Variants in KLHDC7A observed in about 807,000 individuals in gnomAD.
The protein encoded by KLHDC7A is kelch domain containing 7A, also known as kelch domain-containing protein 7A.
For missense variants in KLHDC7A, 1,123 were observed against 1,052.6 expected, an observed-to-expected ratio of 1.07 and a Z score of -0.93; for synonymous variants, 464 against 461.0, an observed-to-expected ratio of 1.01 and a Z score of -0.08.
rs1045234658 is a variant in KLHDC7A at position 18,484,896 on chromosome 1, C to T, written c.*1581C>T. 1 of 166,970 alleles carries T rather than the reference C, an allele frequency of 6.0e-6. No individual in the cohort carries two copies. Among genetic ancestry groups the T allele is most frequent in the Non-Finnish European group, 1.5e-5 (1 of 68,212 alleles). The allele number at this position is 166,970 out of a possible 1,614,324, so 10.3% of individuals were successfully genotyped here. A position where few individuals can be genotyped will look rare whatever the true frequency, so the allele number is the denominator to read the frequency against. On this transcript the variant is annotated 3_prime_UTR_variant, in exon 1 of 1. Coordinates refer to ENST00000400664, the MANE Select transcript of KLHDC7A (RefSeq NM_152375.3). ...CCACAGGGTGACATTGGCCACACCCCCACCCCACTTCCCTGGCCTGGGCCT... is the reference window on the plus strand; with the variant it reads ...CCACAGGGTGACATTGGCCACACCCTCACCCCACTTCCCTGGCCTGGGCCT...
rs774142687 is a variant in KLHDC7A at position 18,481,438 on chromosome 1, C to A, written c.457C>A (p.Pro153Thr). 2 of 1,613,836 alleles carry A rather than the reference C, an allele frequency of 1.2e-6. No individual in the cohort carries two copies. The highest frequency in any genetic ancestry group is 1.1e-5 in the South Asian group (1 of 91,068). Residue 153 changes from proline to threonine, a missense_variant, in exon 1 of 1, where the codon CCT becomes ACT. Physicochemically the swap from Pro to Thr is conservative, Grantham distance 38. Transcript: ENST00000400664. ...AACCAGAACAGCTGTTGGCAGTAAC[C>A]CTGACCCTCCCCATTTCCCCCGCTT... ...QETRTAVGSN[P>T]DPPHFPRLGS...
Position 18,482,542 on chromosome 1 carries a change from C to T in KLHDC7A, c.1561C>T (p.Leu521=). The T allele has an allele frequency of 6.2e-7, 1 of 1,612,142 alleles. No homozygotes were observed. Among genetic ancestry groups the T allele is most frequent in the South Asian group, 1.1e-5 (1 of 91,080 alleles). Residue 521 remains leucine, a synonymous_variant, in exon 1 of 1, where the codon CTG becomes TTG. Coordinates refer to ENST00000400664, the MANE Select transcript of KLHDC7A (RefSeq NM_152375.3). ...YDDEQDVWRP[L]ARMPPEAVSR... Reference sequence around the variant, plus strand: ...CGATGAGCAGGATGTCTGGCGCCCGCTGGCTCGCATGCCCCCCGAGGCCGT... The same window carrying T: ...CGATGAGCAGGATGTCTGGCGCCCGTTGGCTCGCATGCCCCCCGAGGCCGT...
Position 18,482,053 on chromosome 1 carries a change from C to G in KLHDC7A, c.1072C>G (p.Arg358Gly), listed in dbSNP as rs1427952752. The change falls in exon 1 of 1, where the codon CGA becomes GGA. Residue 358 changes from arginine (R) to glycine (G), a missense_variant. By Grantham distance (125) the Arg-to-Gly change is moderately radical. Transcript: ENST00000400664. ...GCAGACAGGGCCGTGGCCCTCCACC[C>G]GAGGCTTCAGCCGGAAGGAGAGCCT... ...SPQTGPWPST[R>G]GFSRKESLLQ... 5.0e-6 allele frequency: 8 copies of G among 1,612,550 alleles called. No individual in the cohort carries two copies. The African/African-American group carries it at 9.3e-5, about 19-fold the overall frequency.
At position 18,485,769 on chromosome 1, in the gene KLHDC7A, CT is replaced by C. The variant is rs1362643493; in HGVS notation, c.*2457del. The C allele has an allele frequency of 1.2e-5, 2 of 166,630 alleles. No individual in the cohort carries two copies. The highest frequency in any genetic ancestry group is 2.9e-5 in the Non-Finnish European group (2 of 68,084). 10.3% of individuals were successfully genotyped at this position (166,630 alleles called of 1,614,324 possible). ...TAAGATGACACTTTAAAAATAAATT[CT>C]TTCCTAATGATGGCTTGAGTCCTGC... On this transcript the variant is annotated 3_prime_UTR_variant, in exon 1 of 1. Transcript: ENST00000400664.
rs1223448445 is a variant in KLHDC7A at position 18,481,494 on chromosome 1, A to G, written c.513A>G (p.Gly171=). Residue 171 remains glycine, a synonymous_variant, in exon 1 of 1, where the codon GGA becomes GGG. Coordinates refer to ENST00000400664, the MANE Select transcript of KLHDC7A (RefSeq NM_152375.3). ...LGSEPKSSPA[G]LIAAADGSCA... The stretch of plus-strand genomic sequence containing the variant: ...GCGAACCGAAGAGCTCCCCAGCTGG[A>G]CTCATTGCAGCAGCCGACGGCAGCT... 1.2e-6 allele frequency: 2 copies of G among 1,613,452 alleles called. No homozygotes were observed.
Position 18,482,410 on chromosome 1 carries a change from G to C in KLHDC7A, c.1429G>C (p.Gly477Arg), listed in dbSNP as rs754056169. The C allele has an allele frequency of 1.7e-5, 27 of 1,607,522 alleles. No homozygotes were observed. Among genetic ancestry groups the C allele is most frequent in the Admixed American group, 1.0e-4 (6 of 60,010 alleles). Residue 477 changes from glycine (G) to arginine (R), a missense_variant, in exon 1 of 1, where the codon GGG (glycine) becomes CGG (arginine). Gly to Arg is a moderately radical substitution (Grantham distance 125, BLOSUM62 -2). Coordinates refer to ENST00000400664, the MANE Select transcript of KLHDC7A (RefSeq NM_152375.3). ...RSPDIYGCLS[G>R]AERELILQRR... ...CCCGGACATCTACGGGTGCCTGAGC[G>C]GGGCAGAGCGCGAGCTGATCCTGCA...
In KLHDC7A at chr1:18,482,791, C is replaced by G. The variant is rs1452252152; in HGVS notation, c.1810C>G (p.Arg604Gly). 6.2e-7 allele frequency: 1 copy of G among 1,608,422 alleles called. No homozygotes were observed. Among genetic ancestry groups the G allele is most frequent in the South Asian group, 1.1e-5 (1 of 90,682 alleles). The part of the protein sequence containing the change: ...IGGECLNSVE[R>G]YDPRLDRWDF... ...CGGAGAGTGTCTGAACTCGGTGGAG[C>G]GTTACGACCCCCGCCTGGACCGCTG... The change falls in exon 1 of 1, where the codon CGT becomes GGT. Residue 604 changes from arginine to glycine, a missense_variant. Physicochemically the swap from Arg to Gly is moderately radical, Grantham distance 125. Transcript: ENST00000400664.
chr1:18,482,537 G>T lies in KLHDC7A; in HGVS notation c.1556G>T (p.Arg519Leu), dbSNP rs1420068203. 7.4e-6 allele frequency: 12 copies of T among 1,612,062 alleles called. No homozygotes were observed. Among genetic ancestry groups the T allele is most frequent in the Non-Finnish European group, 1.0e-5 (12 of 1,179,932 alleles). The stretch of plus-strand genomic sequence containing the variant: ...TATGACGATGAGCAGGATGTCTGGC[G>T]CCCGCTGGCTCGCATGCCCCCCGAG... ...CCYDDEQDVW[R>L]PLARMPPEAV... Residue 519 changes from arginine (R) to leucine (L), a missense_variant, in exon 1 of 1, where the codon CGC becomes CTC. Coordinates refer to ENST00000400664, the MANE Select transcript of KLHDC7A (RefSeq NM_152375.3).
Position 18,482,049 on chromosome 1 carries a change from C to A in KLHDC7A, c.1068C>A (p.Ser356=). 1.9e-6 allele frequency: 3 copies of A among 1,612,732 alleles called. No homozygotes were observed. Among genetic ancestry groups the A allele is most frequent in the Non-Finnish European group, 2.5e-6 (3 of 1,179,870 alleles). Residue 356 remains serine, a synonymous_variant, in exon 1 of 1, where the codon TCC becomes TCA. Transcript: ENST00000400664. The stretch of plus-strand genomic sequence containing the variant: ...CCCCGCAGACAGGGCCGTGGCCCTC[C>A]ACCCGAGGCTTCAGCCGGAAGGAGA... ...AASPQTGPWP[S]TRGFSRKESL...
rs377585599 is a variant in KLHDC7A, at chr1:18,481,699, G to C, written c.718G>C (p.Glu240Gln). 1.9e-5 allele frequency: 31 copies of C among 1,613,956 alleles called. No individual in the cohort carries two copies. In the Middle Eastern group the frequency reaches 8.2e-4, roughly 43 times the overall value. Residue 240 changes from glutamate (E) to glutamine (Q), a missense_variant, in exon 1 of 1, where the codon GAG becomes CAG. Physicochemically the swap from Glu to Gln is conservative, Grantham distance 29 (BLOSUM62 2). Coordinates refer to ENST00000400664, the MANE Select transcript of KLHDC7A (RefSeq NM_152375.3). ...GVSREEAGAL[E>Q]AASDVDLTLH... is the part of the protein sequence containing the mutation. ...CAGCAGAGAAGAGGCTGGGGCTCTC[G>C]AGGCTGCCTCCGATGTTGACCTGAC...
chr1:18,481,393 C>T lies in KLHDC7A; in HGVS notation c.412C>T (p.Pro138Ser), dbSNP rs756338488. The T allele has an allele frequency of 1.9e-6, 3 of 1,613,072 alleles. No individual in the cohort carries two copies. Among genetic ancestry groups the T allele is most frequent in the Non-Finnish European group, 2.5e-6 (3 of 1,179,650 alleles). ...GGGCTCGGACTCTGAGCAGGTGCCT[C>T]CTTGCTGCCCCAGCCAGGAAACCAG... ...GQGSDSEQVP[P>S]CCPSQETRTA... The change falls in exon 1 of 1, where the codon CCT (proline) becomes TCT (serine). Residue 138 changes from proline (P) to serine (S), a missense_variant. Coordinates refer to ENST00000400664, the MANE Select transcript of KLHDC7A (RefSeq NM_152375.3).
In KLHDC7A at chr1:18,482,346, C is replaced by T. The variant is rs561659003; in HGVS notation, c.1365C>T (p.Tyr455=). 3 of 1,602,538 alleles carry T rather than the reference C, an allele frequency of 1.9e-6. No individual in the cohort carries two copies. The highest frequency in any genetic ancestry group is 2.5e-6 in the Non-Finnish European group (3 of 1,179,946). Residue 455 remains tyrosine, a synonymous_variant, in exon 1 of 1, where the codon TAC becomes TAT. Transcript: ENST00000400664. Reference sequence around the variant, plus strand: ...TGGAGGCCCTGAAAGAGGCGGCCTACAAGGTGATGAGCGAAAACTACCTGC... The same window carrying T: ...TGGAGGCCCTGAAAGAGGCGGCCTATAAGGTGATGAGCGAAAACTACCTGC... ...QNLEALKEAA[Y]KVMSENYLQV... is the part of the protein sequence containing the mutation.
Position 18,482,571 on chromosome 1 carries a change from C to T in KLHDC7A, c.1590C>T (p.Ser530=). 1 of 1,611,814 alleles carries T rather than the reference C, an allele frequency of 6.2e-7. No individual in the cohort carries two copies. Among genetic ancestry groups the T allele is most frequent in the Non-Finnish European group, 8.5e-7 (1 of 1,179,908 alleles). The part of the protein sequence containing the change: ...PLARMPPEAV[S]RGCAICSLFN... ...CTCGCATGCCCCCCGAGGCCGTGTC[C>T]CGGGGCTGTGCCATCTGCAGTCTCT... is the stretch of plus-strand genomic sequence containing the variant. Residue 530 remains serine, a synonymous_variant, in exon 1 of 1, where the codon TCC becomes TCT. Coordinates refer to ENST00000400664, the MANE Select transcript of KLHDC7A (RefSeq NM_152375.3).
Position 18,482,073 on chromosome 1 carries a change from G to C in KLHDC7A, c.1092G>C (p.Glu364Asp), listed in dbSNP as rs927726106. The C allele has an allele frequency of 8.1e-6, 13 of 1,612,696 alleles. No individual in the cohort carries two copies. Among genetic ancestry groups the C allele is most frequent in the Admixed American group, 1.7e-5 (1 of 59,976 alleles). ...WPSTRGFSRK[E>D]SLLQIAENPE... ...CCACCCGAGGCTTCAGCCGGAAGGA[G>C]AGCCTTCTGCAGATAGCGGAGAACC... is the stretch of plus-strand genomic sequence containing the variant. Residue 364 changes from glutamate to aspartate, a missense_variant, in exon 1 of 1, where the codon GAG becomes GAC. Transcript: ENST00000400664.
chr1:18,481,934 C>A lies in KLHDC7A; in HGVS notation c.953C>A (p.Ser318Tyr). Residue 318 changes from serine (S) to tyrosine (Y), a missense_variant, in exon 1 of 1, where the codon TCC (serine) becomes TAC (tyrosine). Coordinates refer to ENST00000400664, the MANE Select transcript of KLHDC7A (RefSeq NM_152375.3). ...ACAGCAGCCCTGACTGAGGTTCCAT[C>A]CCCTAGGCCACCGCCAGGGTCCCTG... ...PRTAALTEVP[S>Y]PRPPPGSLGT... 6.2e-7 allele frequency: 1 copy of A among 1,613,328 alleles called. No individual in the cohort carries two copies. The highest frequency in any genetic ancestry group is 8.5e-7 in the Non-Finnish European group (1 of 1,179,974).
Position 18,482,219 on chromosome 1 carries a change from C to T in KLHDC7A, c.1238C>T (p.Thr413Ile), listed in dbSNP as rs374899458. The T allele has an allele frequency of 6.2e-7, 1 of 1,608,698 alleles. No individual in the cohort carries two copies. Among genetic ancestry groups the T allele is most frequent in the African/African-American group, 1.3e-5 (1 of 74,934 alleles). The change falls in exon 1 of 1, where the codon ACC (threonine) becomes ATC (isoleucine). Residue 413 changes from threonine (T) to isoleucine (I), a missense_variant. Thr to Ile is a moderately conservative substitution (Grantham distance 89). Transcript: ENST00000400664. The part of the protein sequence containing the change: ...REPHVQPVAG[T>I]NFFHIPLTPA... ...CCCCATGTGCAGCCGGTGGCCGGGA[C>T]CAATTTCTTCCATATCCCGCTCACC...
chr1:18,483,870 G>T lies in KLHDC7A; in HGVS notation c.*555G>T. ...GGAAGGAGCCGAGGGAGCCCCAGGG[G>T]CCCTGGCCAGAGGGAGTGGTGGTTT... On this transcript the variant is annotated 3_prime_UTR_variant, in exon 1 of 1. Transcript: ENST00000400664. 7.8e-7 allele frequency: 1 copy of T among 1,279,836 alleles called. No individual in the cohort carries two copies. The highest frequency in any genetic ancestry group is 1.0e-6 in the Non-Finnish European group (1 of 977,842). 79.3% of individuals were successfully genotyped at this position (1,279,836 alleles called of 1,614,324 possible). A position where few individuals can be genotyped will look rare whatever the true frequency, so the allele number is the denominator to read the frequency against.
In KLHDC7A at chr1:18,483,025, T is replaced by G. The variant is rs1355924461; in HGVS notation, c.2044T>G (p.Phe682Val). ...GGCGGTCAACGGCTTTCTCTACCGC[T>G]TTGACCTCAACCGCAGCCTGGGCAT... ...MVAVNGFLYR[F>V]DLNRSLGIAV... Residue 682 changes from phenylalanine (F) to valine (V), a missense_variant, in exon 1 of 1, where the codon TTT becomes GTT. Coordinates refer to ENST00000400664, the MANE Select transcript of KLHDC7A (RefSeq NM_152375.3). 2 of 1,613,472 alleles carry G rather than the reference T, an allele frequency of 1.2e-6. No homozygotes were observed. Among genetic ancestry groups the G allele is most frequent in the African/African-American group, 2.7e-5 (2 of 75,068 alleles).
In KLHDC7A at chr1:18,481,126, G is replaced by A. The variant is rs34109355; in HGVS notation, c.145G>A (p.Gly49Ser). Residue 49 changes from glycine to serine, a missense_variant, in exon 1 of 1, where the codon GGT becomes AGT. By Grantham distance (56) the Gly-to-Ser change is moderately conservative. Transcript: ENST00000400664. ...KSRPAPAQRW[G>S]GNGQAEAKEE... ...GAGGCCTGCCCCAGCCCAGCGGTGG[G>A]GTGGGAATGGCCAGGCAGAAGCCAA... 6.2e-7 allele frequency: 1 copy of A among 1,613,520 alleles called. No individual in the cohort carries two copies. The highest frequency in any genetic ancestry group is 1.7e-5 in the Admixed American group (1 of 59,970).
Sources: allele counts gnomAD v4.1 joint callset, GRCh38; gene constraint gnomAD v4.1.1; transcripts MANE v1.5; gene names NCBI Gene and HGNC (gene_info 2026-07-23, HGNC 2026-07-21).